UFL1: variants seen among roughly 807,000 people sequenced by gnomAD.
The protein encoded by UFL1 is E3 UFM1-protein ligase 1.
Under a neutral mutation model 99.3 loss-of-function variants are expected in UFL1, and 78 were observed. The ratio of observed to expected loss-of-function variants is 0.79; its 90% confidence interval spans 0.65 to 0.95. The LOEUF (loss-of-function observed/expected upper bound fraction) is 0.95, where lower values mean the gene tolerates loss of function less well. Ranked by LOEUF, UFL1 falls within the 40% of genes least tolerant of loss-of-function variation. The pLI is 0.00. For missense variants in UFL1, 936 were observed against 937.0 expected (o/e 1.00, Z 0.01); for synonymous variants, 335 against 322.2 (o/e 1.04, Z -0.42).
At chr6:96,530,905 A>G (rs942903983) in intron 6 of UFL1, among the ~76,000 whole-genome samples, 1 of 152,148 alleles carries the variant, frequency 6.6e-6, no homozygotes, top group Non-Finnish European at 1.5e-5. Context: ...AGGGCCCTCA[A>G]TCCCCAGGCT....
Position 96,549,593 on chromosome 6 carries a change from T to C in UFL1, c.1687+15T>C. 6.3e-7 allele frequency: 1 copy of C among 1,594,844 alleles called. No individual in the cohort carries two copies. The highest frequency in any genetic ancestry group is 1.7e-4 in the Middle Eastern group (1 of 5,978). On this transcript the variant is annotated intron_variant, in intron 14 of 18. Transcript: ENST00000369278. The stretch of plus-strand genomic sequence containing the variant: ...GTTTTTTGCAGGTATACTTAATCTT[T>C]GTTAATCTTGTTTTTTCATTGATTT...
At chr6:96,526,457 C>G (rs1207416628) in intron 5 of UFL1, 22 bp downstream of exon 5, 2 of 1,573,052 alleles carry the variant, frequency 1.3e-6, no homozygotes, top group East Asian at 4.5e-5. Context: ...CCTAATAATA[C>G]AATGTGTCTT....
intron 1 of UFL1, among the ~76,000 whole-genome samples, chr6:96,522,325 T>C (rs1769627425): frequency 6.6e-6 from 1 of 152,042 alleles, no homozygotes; most frequent in African/African-American, 2.4e-5. Context: ...TAGAATGAGC[T>C]CGAAAGGAGA....
rs1769887171 is a variant in UFL1, at chr6:96,538,630, G to A, written c.979-1G>A. On this transcript the variant is annotated splice_acceptor_variant, in intron 9 of 18. Transcript: ENST00000369278. LOFTEE classifies it high-confidence loss of function. ...TATTTTTATTTTGTTTGTAATTCTA[G>A]CCTCTGCTACCCACTTCTTTATCAG... The A allele has an allele frequency of 6.2e-7, 1 of 1,609,406 alleles. No individual in the cohort carries two copies. The highest frequency in any genetic ancestry group is 1.1e-5 in the South Asian group (1 of 90,908).
intron 7 of UFL1, among the ~76,000 whole-genome samples, chr6:96,535,127 A>G (rs981193397): frequency 6.6e-6 from 1 of 152,052 alleles, no homozygotes; most frequent in Non-Finnish European, 1.5e-5. Context: ...TTTACATTGT[A>G]CAGTCATACT....
rs749605785 is a variant in UFL1, at chr6:96,538,624, A to T, written c.979-7A>T. On this transcript the variant is annotated splice_region_variant and splice_polypyrimidine_tract_variant and intron_variant, in intron 9 of 18. Coordinates refer to ENST00000369278, the MANE Select transcript of UFL1 (RefSeq NM_015323.5). The stretch of plus-strand genomic sequence containing the variant: ...ATACTTTATTTTTATTTTGTTTGTA[A>T]TTCTAGCCTCTGCTACCCACTTCTT... 3.7e-6 allele frequency: 6 copies of T among 1,609,460 alleles called. No individual in the cohort carries two copies. Among genetic ancestry groups the T allele is most frequent in the Non-Finnish European group, 1.7e-6 (2 of 1,177,348 alleles).
chr6:96,521,970 C>G lies in UFL1; in HGVS notation c.77+20C>G. 1 of 1,606,608 alleles carries G rather than the reference C, an allele frequency of 6.2e-7. No individual in the cohort carries two copies. Among genetic ancestry groups the G allele is most frequent in the Non-Finnish European group, 8.5e-7 (1 of 1,176,398 alleles). On this transcript the variant is annotated intron_variant, in intron 1 of 18. Coordinates refer to ENST00000369278, the MANE Select transcript of UFL1 (RefSeq NM_015323.5). ...GCAGAGGTGCCCGACCCTCCCTCTC[C>G]TTTGTGGAGCCCAAATTAGGCCGTG...
Position 96,544,014 on chromosome 6 carries a change from A to G in UFL1, c.1402+998A>G, listed in dbSNP as rs146070828. ...AAAAATTTTTAAAGGCCACAGAACA[A>G]TTGTAATTTTTCCTATTGATTATTA... is the stretch of plus-strand genomic sequence containing the variant. On this transcript the variant is annotated intron_variant, in intron 12 of 18. Transcript: ENST00000369278. Among the ~76,000 whole-genome samples the G allele has an allele frequency of 2.6e-5, 4 of 151,274 alleles. No individual in the cohort carries two copies. In the East Asian group the frequency reaches 7.8e-4, roughly 29 times the overall value.
intron 10 of UFL1, among the ~76,000 whole-genome samples, chr6:96,539,986 C>T (rs1769907224): frequency 6.6e-6 from 1 of 151,406 alleles, no homozygotes; most frequent in Non-Finnish European, 1.5e-5. Context: ...CAGAAAGAAC[C>T]AGTATCCGAA....
At chr6:96,528,369 TC>T in intron 5 of UFL1, 132 bp from the exon 6 acceptor site, 1 of 1,066,022 alleles carries the variant, frequency 9.4e-7, no homozygotes, top group Non-Finnish European at 1.3e-6. Flanking sequence ...TATCTTGTAA[TC>T]TATGCTTGTT....
At position 96,524,372 on chromosome 6, in the gene UFL1, T is replaced by G; in HGVS notation, c.224-10T>G. 6.3e-7 allele frequency: 1 copy of G among 1,589,692 alleles called. No individual in the cohort carries two copies. The highest frequency in any genetic ancestry group is 8.5e-7 in the Non-Finnish European group (1 of 1,170,708). On this transcript the variant is annotated splice_polypyrimidine_tract_variant and intron_variant, in intron 2 of 18. Transcript: ENST00000369278. ...ATCATTTAAAATAAATGAATGTCTTTTCTTCAAAGGTCGAGTAAACATTGT... is the reference window on the plus strand; with the variant it reads ...ATCATTTAAAATAAATGAATGTCTTGTCTTCAAAGGTCGAGTAAACATTGT...
chr6:96,523,821 G>A (rs1223233927), intron 2 of UFL1, among the ~76,000 whole-genome samples: 4 of 152,084 alleles, frequency 2.6e-5, no homozygotes, highest in African/African-American at 4.8e-5. Context: ...AGACTACCAA[G>A]CATATTTGAA....
rs1770131998 is a variant in UFL1 at position 96,554,762 on chromosome 6, A to G, written c.*1259A>G. ...TAATTAATTAAATTGCCAACTTGGC[A>G]TTATTATTAAACTTGATAGGAACGC... On this transcript the variant is annotated 3_prime_UTR_variant, in exon 19 of 19. Coordinates refer to ENST00000369278, the MANE Select transcript of UFL1 (RefSeq NM_015323.5). 1 of 152,580 alleles carries G rather than the reference A, an allele frequency of 6.6e-6. No individual in the cohort carries two copies. The highest frequency in any genetic ancestry group is 1.5e-5 in the Non-Finnish European group (1 of 67,988). The allele number at this position is 152,580 out of a possible 1,614,324, so 9.5% of individuals were successfully genotyped here.
intron 6 of UFL1, among the ~76,000 whole-genome samples, chr6:96,531,919 A>G (rs1582438998): frequency 6.6e-6 from 1 of 152,180 alleles, no homozygotes; most frequent in Admixed American, 6.5e-5. Context: ...AAGGCACCAT[A>G]TCTTTGTATT....
chr6:96,526,603 T>A (rs938329748), intron 5 of UFL1, among the ~76,000 whole-genome samples, 168 bp downstream of exon 5: 1 of 152,200 alleles, frequency 6.6e-6, no homozygotes, highest in Non-Finnish European at 1.5e-5. Flanking sequence ...GTACTTCTAG[T>A]ACATTAATGG....
chr6:96,528,743 C>T, intron 6 of UFL1, 111 bp downstream of exon 6: 1 of 1,327,044 alleles, frequency 7.5e-7, no homozygotes. Flanking sequence ...CATTTAGGAC[C>T]CCAGTTTATT....
At chr6:96,524,480 A>C in intron 3 of UFL1, 70 bp downstream of exon 3, 1 of 1,179,314 alleles carries the variant, frequency 8.5e-7, no homozygotes, top group Admixed American at 2.4e-5. Context: ...TTGTTCAAGT[A>C]TTCACTAATG....
At chr6:96,551,253 A>G (rs919648509) in intron 15 of UFL1, among the ~76,000 whole-genome samples, 180 bp from the exon 16 acceptor site, 2 of 139,306 alleles carry the variant, frequency 1.4e-5, no homozygotes, top group Non-Finnish European at 3.3e-5. Context: ...GGCTGTATCT[A>G]TCCTGTTTGG....
chr6:96,532,777 A>C (rs181350392), intron 6 of UFL1, among the ~76,000 whole-genome samples: 62 of 152,240 alleles, frequency 4.1e-4, no homozygotes, highest in Non-Finnish European at 7.8e-4. Context: ...AGCCAAATAA[A>C]CCTTTTTTCT....
Sources: gnomAD v4.1 joint callset for allele counts (sites outside exome capture counted in the v4.1 genomes callset) on GRCh38, gnomAD v4.1.1 for gene constraint, MANE v1.5 for transcripts, NCBI Gene and HGNC (gene_info 2026-07-23, HGNC 2026-07-21) for gene names.